CCDC198: variants seen among roughly 807,000 people sequenced by gnomAD.
The protein encoded by CCDC198 is factor associated with metabolism and energy.
Under a neutral mutation model 35.6 loss-of-function variants are expected in CCDC198, and 18 were observed. That is an observed-to-expected ratio of 0.51 (90% confidence interval 0.35 to 0.75). The LOEUF is 0.75. Ranked by LOEUF, CCDC198 falls within the 30% of genes least tolerant of loss-of-function variation. The probability of loss-of-function intolerance (pLI) is 0.01; values close to 1 mark genes in which losing one functional copy is unlikely to be tolerated. For missense variants in CCDC198, 365 were observed against 343.7 expected (o/e 1.06, Z -0.49); for synonymous variants, 119 against 113.4 (o/e 1.05, Z -0.31).
rs201234958 is a variant in CCDC198, at chr14:57,481,587, A to C, written c.467T>G (p.Val156Gly). 1 of 1,612,574 alleles carries C rather than the reference A, an allele frequency of 6.2e-7. No homozygotes were observed. Among genetic ancestry groups the C allele is most frequent in the Admixed American group, 1.7e-5 (1 of 59,958 alleles). ...ENRQYLHKMQ[V>G]LEMIRKRQEA... ...TTGTCTTTTACGGATCATTTCCAGCACTTGCATCTTATGCAAATATTGTCT... is the reference window on the plus strand; with the variant it reads ...TTGTCTTTTACGGATCATTTCCAGCCCTTGCATCTTATGCAAATATTGTCT... The change falls in exon 4 of 6, where the codon GTG becomes GGG. Residue 156 changes from valine (V) to glycine (G), a missense_variant. By Grantham distance (109) the Val-to-Gly change is moderately radical. Transcript: ENST00000216445.
At position 57,478,816 on chromosome 14, in the gene CCDC198, A is replaced by G. The variant is rs1051515684; in HGVS notation, c.655+1779T>C. 5 of 1,120,692 alleles carry G rather than the reference A, an allele frequency of 4.5e-6. No individual in the cohort carries two copies. The African/African-American group carries it at 8.1e-5, about 18-fold the overall frequency. The allele number at this position is 1,120,692 out of a possible 1,614,324, so 69.4% of individuals were successfully genotyped here. ...CAGCCTTTTCTTATTTAATTAACTT[A>G]TTGATCGAGCGTCTTGTTTCTCCAA... On this transcript the variant is annotated intron_variant, in intron 5 of 5. Transcript: ENST00000216445.
chr14:57,481,466 A>G (rs945733407), intron 4 of CCDC198, 93 bp downstream of exon 4: 1 of 842,680 alleles, frequency 1.2e-6, no homozygotes, highest in Non-Finnish European at 1.9e-6. Flanking sequence ...AATGCTAAGT[A>G]AAGACTGGCT....
At chr14:57,473,511 T>C (rs1361002619) in intron 5 of CCDC198, among the ~76,000 whole-genome samples, 1 of 152,150 alleles carries the variant, frequency 6.6e-6, no homozygotes, top group Admixed American at 6.5e-5. Flanking sequence ...TGCACTCACA[T>C]CTAACCTATC....
At chr14:57,483,022 C>G (rs1288758741) in intron 3 of CCDC198, 43 bp downstream of exon 3, 1 of 1,613,098 alleles carries the variant, frequency 6.2e-7, no homozygotes, top group Non-Finnish European at 8.5e-7. Context: ...CTGTGTCGCC[C>G]ACCCCCAGTT....
At position 57,484,853 on chromosome 14, in the gene CCDC198, C is replaced by T. The variant is rs146102688; in HGVS notation, c.307-1702G>A. ...TGCTTTTTAAAAAGGGTCATGCTGG[C>T]TGCAGTGTGGAAACTAGGAAGGAAT... On this transcript the variant is annotated intron_variant, in intron 2 of 5. Transcript: ENST00000216445. 1.4e-3 allele frequency among the ~76,000 whole-genome samples: 218 copies of T among 152,260 alleles called. 1 individual carries two copies. Among genetic ancestry groups the T allele is most frequent in the Non-Finnish European group, 2.5e-3 (167 of 68,014 alleles).
At position 57,488,628 on chromosome 14, in the gene CCDC198, C is replaced by A. The variant is rs572710124; in HGVS notation, c.306+2361G>T. Among the ~76,000 whole-genome samples, 539 of 152,252 alleles carry A rather than the reference C, an allele frequency of 3.5e-3. 3 individuals carry two copies. Among genetic ancestry groups the A allele is most frequent in the African/African-American group, 0.012 (498 of 41,558 alleles). On this transcript the variant is annotated intron_variant, in intron 2 of 5. Coordinates refer to ENST00000216445, the MANE Select transcript of CCDC198 (RefSeq NM_018168.4). The stretch of plus-strand genomic sequence containing the variant: ...GAGAAAATTTTTGCAGTCTATCCAT[C>A]TGACAAAGGTTTAATATCCAGAGTC...
intron 2 of CCDC198, among the ~76,000 whole-genome samples, chr14:57,489,466 G>A (rs2067485520): frequency 6.6e-6 from 1 of 152,040 alleles, no homozygotes; most frequent in Non-Finnish European, 1.5e-5. Flanking sequence ...GCAAATCACC[G>A]TGGCACTTAT....
Position 57,490,933 on chromosome 14 carries a change from G to T in CCDC198, c.306+56C>A, listed in dbSNP as rs572364893. 2.3e-4 allele frequency: 318 copies of T among 1,392,124 alleles called. 5 individuals carry two copies. In the South Asian group the frequency reaches 3.6e-3, roughly 16 times the overall value. The allele number at this position is 1,392,124 out of a possible 1,614,324, so 86.2% of individuals were successfully genotyped here. A position where few individuals can be genotyped will look rare whatever the true frequency, so the allele number is the denominator to read the frequency against. ...TCTTTGATGATTATAGTTTAAAAAGGGATGTTACCATTTTATCCAAGAAAT... is the reference window on the plus strand; with the variant it reads ...TCTTTGATGATTATAGTTTAAAAAGTGATGTTACCATTTTATCCAAGAAAT... On this transcript the variant is annotated intron_variant, in intron 2 of 5. Transcript: ENST00000216445.
At chr14:57,492,667 C>T (rs1203684951) in intron 1 of CCDC198, among the ~76,000 whole-genome samples, 1 of 151,966 alleles carries the variant, frequency 6.6e-6, no homozygotes, top group Non-Finnish European at 1.5e-5. Flanking sequence ...GCAAGATTTG[C>T]TAGGTACCAA....
intron 2 of CCDC198, among the ~76,000 whole-genome samples, chr14:57,487,279 T>A (rs1213728517): frequency 6.6e-6 from 1 of 152,176 alleles, no homozygotes; most frequent in Non-Finnish European, 1.5e-5. Flanking sequence ...AAACAAATGA[T>A]CAGCATAATC....
intron 1 of CCDC198, among the ~76,000 whole-genome samples, chr14:57,491,909 G>C (rs1811129958): frequency 6.6e-6 from 1 of 152,046 alleles, no homozygotes; most frequent in African/African-American, 2.4e-5. Flanking sequence ...CTTAAGACAT[G>C]TGAATAACCA....
In CCDC198 at chr14:57,471,388, G is replaced by A. The variant is rs763756358; in HGVS notation, c.858C>T (p.Ile286=). 1.2e-6 allele frequency: 2 copies of A among 1,613,258 alleles called. No homozygotes were observed. The highest frequency in any genetic ancestry group is 1.1e-5 in the South Asian group (1 of 90,836). ...RALVRTRTER[I]PLFDEFFDQE ...GATCAAAAAACTCATCGAAAAGTGG[G>A]ATTCTCTCTGTCCTGGTCCTCACCA... Residue 286 remains isoleucine (I), a synonymous_variant, in exon 6 of 6, where the codon ATC becomes ATT. Coordinates refer to ENST00000216445, the MANE Select transcript of CCDC198 (RefSeq NM_018168.4).
chr14:57,470,587 C>G lies in CCDC198; in HGVS notation c.*768G>C, dbSNP rs1387462622. ...TCCTGACCTCAAGTGATCTGCCCAC[C>G]TCGGCCTCCCAAAGTGCTGGGATTA... is the stretch of plus-strand genomic sequence containing the variant. On this transcript the variant is annotated 3_prime_UTR_variant, in exon 6 of 6. Coordinates refer to ENST00000216445, the MANE Select transcript of CCDC198 (RefSeq NM_018168.4). 2 of 152,258 alleles carry G rather than the reference C, an allele frequency of 1.3e-5. No homozygotes were observed. The highest frequency in any genetic ancestry group is 4.8e-5 in the African/African-American group (2 of 41,446). 9.4% of individuals were successfully genotyped at this position (152,258 alleles called of 1,614,324 possible).
chr14:57,474,238 T>C (rs1152528), intron 5 of CCDC198, among the ~76,000 whole-genome samples: 139,846 of 152,276 alleles, frequency 0.92, 65,394 homozygotes, highest in South Asian at 1. Flanking sequence ...AATAAACAAA[T>C]GAGCAATCAG....
At chr14:57,480,546 G>A (rs200683408) in intron 5 of CCDC198, 49 bp downstream of exon 5, 426 of 1,595,884 alleles carry the variant, frequency 2.7e-4, no homozygotes, top group Non-Finnish European at 3.4e-4. Context: ...ATTTGATGAA[G>A]TTTTAAAAAC....
chr14:57,469,457 C>T lies in CCDC198; in HGVS notation c.*1898G>A, dbSNP rs1160330454. 2 of 152,184 alleles carry T rather than the reference C, an allele frequency of 1.3e-5. No individual in the cohort carries two copies. Among genetic ancestry groups the T allele is most frequent in the African/African-American group, 4.8e-5 (2 of 41,440 alleles). 9.4% of individuals were successfully genotyped at this position (152,184 alleles called of 1,614,324 possible). On this transcript the variant is annotated 3_prime_UTR_variant, in exon 6 of 6. Transcript: ENST00000216445. ...TTTCGTGAAATTGAATTTTAAGTCA[C>T]ATAACAGAATGGTGAAGACGTGCCT... is the stretch of plus-strand genomic sequence containing the variant.
At position 57,488,592 on chromosome 14, in the gene CCDC198, C is replaced by A. The variant is rs73299835; in HGVS notation, c.306+2397G>T. ...TTGAATAAGACATAGTCTTTGCAAC[C>A]TACAGAATGGGAGAAAATTTTTGCA... On this transcript the variant is annotated intron_variant, in intron 2 of 5. Coordinates refer to ENST00000216445, the MANE Select transcript of CCDC198 (RefSeq NM_018168.4). 7.4e-3 allele frequency among the ~76,000 whole-genome samples: 1,129 copies of A among 152,160 alleles called. 21 individuals are homozygous for A. Among genetic ancestry groups the A allele is most frequent in the African/African-American group, 0.026 (1,064 of 41,500 alleles).
intron 4 of CCDC198, 48 bp downstream of exon 4, chr14:57,481,511 G>T: frequency 7.9e-7 from 1 of 1,269,202 alleles, no homozygotes; most frequent in Non-Finnish European, 1.1e-6. Flanking sequence ...GCAGGGCAGT[G>T]ATTATGTGAT....
intron 2 of CCDC198, among the ~76,000 whole-genome samples, chr14:57,485,232 G>A (rs1481689110): frequency 2.6e-5 from 4 of 152,178 alleles, no homozygotes; most frequent in African/African-American, 9.7e-5. Flanking sequence ...CCAGAGTAGA[G>A]CATGAGTGAA....
Sources: allele counts gnomAD v4.1 joint callset (sites outside exome capture counted in the v4.1 genomes callset), GRCh38; gene constraint gnomAD v4.1.1; transcripts MANE v1.5; gene names NCBI Gene and HGNC (gene_info 2026-07-23, HGNC 2026-07-21).